CDKL1: variants seen among roughly 807,000 people sequenced by gnomAD.
CDKL1 encodes cyclin-dependent kinase-like 1.
A neutral mutation model predicts 42.0 loss-of-function variants in CDKL1; 41 were observed. The ratio of observed to expected loss-of-function variants is 0.98; its 90% CI spans 0.76 to 1.27. CDKL1 has a LOEUF of 1.27. Ranked by LOEUF, CDKL1 falls within the 50% of genes most tolerant of loss-of-function variation. The pLI is 0.00. For missense variants in CDKL1, 394 were observed against 428.4 expected (o/e 0.92, Z 0.71); for synonymous variants, 153 against 158.6 (o/e 0.96, Z 0.26).
At position 50,396,872 on chromosome 14, in the gene CDKL1, C is replaced by T. The variant is rs979845036; in HGVS notation, c.-510G>A. On this transcript the variant is annotated 5_prime_UTR_variant, in exon 1 of 10. Transcript: ENST00000395834. Reference sequence around the variant, plus strand: ...GCCTGGCTCCCGCCTCGCCTTCTTCCGCCCAGCTCGGCTCGGCGTGGCTCG... The same window carrying T: ...GCCTGGCTCCCGCCTCGCCTTCTTCTGCCCAGCTCGGCTCGGCGTGGCTCG... 7 of 206,716 alleles carry T rather than the reference C, an allele frequency of 3.4e-5. No individual in the cohort carries two copies. The East Asian group carries it at 1.3e-3, about 38-fold the overall frequency. 12.8% of individuals were successfully genotyped at this position (206,716 alleles called of 1,614,324 possible).
intron 2 of CDKL1, among the ~76,000 whole-genome samples, chr14:50,373,182 G>A (rs1433545308): frequency 6.6e-6 from 1 of 151,962 alleles, no homozygotes; most frequent in Non-Finnish European, 1.5e-5. Flanking sequence ...TATAAACAAC[G>A]CCAAAAGACA....
intron 2 of CDKL1, among the ~76,000 whole-genome samples, chr14:50,392,452 AAATAAT>A (rs56882058): frequency 3.1e-3 from 418 of 134,486 alleles, no homozygotes; most frequent in East Asian, 6.6e-3. Flanking sequence ...TCCAAAAAAG[AAATAAT>A]AATAATAATA....
intron 2 of CDKL1, among the ~76,000 whole-genome samples, chr14:50,390,948 C>T (rs1459464038): frequency 6.6e-6 from 1 of 152,202 alleles, no homozygotes; most frequent in Admixed American, 6.5e-5. Context: ...GATCCTCCCA[C>T]CTCAGCTTCC....
At chr14:50,356,362 C>T (rs1188114191) in intron 3 of CDKL1, among the ~76,000 whole-genome samples, 1 of 152,170 alleles carries the variant, frequency 6.6e-6, no homozygotes, top group Admixed American at 6.5e-5. Flanking sequence ...ACAGATAATG[C>T]TAACTCACCT....
chr14:50,379,452 C>T (rs1273948723), intron 2 of CDKL1, among the ~76,000 whole-genome samples: 1 of 152,144 alleles, frequency 6.6e-6, no homozygotes, highest in Non-Finnish European at 1.5e-5. Context: ...CAGGCTTGTC[C>T]TCAGTAGGCT....
intron 2 of CDKL1, among the ~76,000 whole-genome samples, chr14:50,377,072 GGTCA>G (rs1419586446): frequency 6.6e-6 from 1 of 152,202 alleles, no homozygotes; most frequent in East Asian, 1.9e-4. Flanking sequence ...ACAGCAAGGA[GGTCA>G]GTGTTTTAGT....
In CDKL1 at chr14:50,347,342, TAGAG is replaced by T. The variant is rs371500215; in HGVS notation, c.291-2288_291-2285del. Among the ~76,000 whole-genome samples the T allele has an allele frequency of 3.3e-5, 5 of 149,910 alleles. No individual in the cohort carries two copies. In the East Asian group the frequency reaches 5.8e-4, roughly 17 times the overall value. ...AGAATATATTCTGTGGTGTTGGATT[TAGAG>T]AGAGAGAGAGAGAGACAGCGTGAGA... On this transcript the variant is annotated intron_variant, in intron 3 of 9. Transcript: ENST00000395834.
intron 7 of CDKL1, among the ~76,000 whole-genome samples, chr14:50,337,328 CTTTT>C (rs545014608): frequency 1.4e-5 from 2 of 138,980 alleles, no homozygotes; most frequent in Non-Finnish European, 1.6e-5. Context: ...TTATAACCGT[CTTTT>C]TTTTTTTTTT....
intron 2 of CDKL1, among the ~76,000 whole-genome samples, chr14:50,367,113 G>A (rs61622611): frequency 6.6e-6 from 1 of 152,114 alleles, no homozygotes; most frequent in Non-Finnish European, 1.5e-5. Context: ...GAGGAAACAC[G>A]AAAGGGGAAA....
intron 2 of CDKL1, among the ~76,000 whole-genome samples, chr14:50,395,432 T>TATAA (rs2035369738): frequency 6.6e-6 from 1 of 152,262 alleles, no homozygotes; most frequent in Admixed American, 6.5e-5. Context: ...TGAAGTAAGA[T>TATAA]ATAACCATGT....
At chr14:50,335,659 TAAG>T (rs1341480871) in intron 7 of CDKL1, 12 of 1,506,816 alleles carry the variant, frequency 8.0e-6, no homozygotes, top group Middle Eastern at 1.7e-4. Context: ...GCTGAGAAAA[TAAG>T]AGCCAGCCAA....
intron 2 of CDKL1, chr14:50,380,273 A>T: frequency 1.9e-6 from 1 of 526,806 alleles, no homozygotes; most frequent in South Asian, 1.4e-5. Context: ...TACCACCATC[A>T]AAGACTTAGG....
intron 3 of CDKL1, among the ~76,000 whole-genome samples, chr14:50,347,352 G>A (rs2033761661): frequency 1.3e-5 from 2 of 152,236 alleles, no homozygotes; most frequent in Non-Finnish European, 2.9e-5. Flanking sequence ...TAGAGAGAGA[G>A]AGAGAGAGAC....
chr14:50,331,549 G>T, intron 9 of CDKL1: 1 of 163,830 alleles, frequency 6.1e-6, no homozygotes. Flanking sequence ...CAGCATGCTG[G>T]GCAGTGGAAG....
intron 4 of CDKL1, among the ~76,000 whole-genome samples, chr14:50,344,471 T>TGG (rs1400391380): frequency 1.5e-5 from 2 of 136,412 alleles, no homozygotes; most frequent in African/African-American, 5.4e-5. Context: ...CTTTGTGGTT[T>TGG]TTTTTTTTTT....
intron 4 of CDKL1, among the ~76,000 whole-genome samples, chr14:50,343,914 T>C (rs2033639389): frequency 6.6e-6 from 1 of 152,368 alleles, no homozygotes; most frequent in Non-Finnish European, 1.5e-5. Context: ...TCTACTCTCA[T>C]ACTTCCTCCT....
At chr14:50,335,650 C>A in intron 7 of CDKL1, 1 of 1,512,904 alleles carries the variant, frequency 6.6e-7, no homozygotes, top group Non-Finnish European at 8.8e-7. Context: ...AGCAGAGAGG[C>A]TGAGAAAATA....
At chr14:50,339,111 G>A in intron 6 of CDKL1, 82 bp from the exon 7 acceptor site, 1 of 991,892 alleles carries the variant, frequency 1.0e-6, no homozygotes, top group Non-Finnish European at 1.6e-6. Flanking sequence ...TGCTGTGTTT[G>A]TCTGTGCCCA....
At chr14:50,332,869 G>T in intron 8 of CDKL1, 6 of 431,742 alleles carry the variant, frequency 1.4e-5, no homozygotes, top group South Asian at 1.4e-4. Context: ...CTCCACCACT[G>T]TAGGTGTTCC....
Sources: gnomAD v4.1 joint callset for allele counts (sites outside exome capture counted in the v4.1 genomes callset) on GRCh38, gnomAD v4.1.1 for gene constraint, MANE v1.5 for transcripts, NCBI Gene and HGNC (gene_info 2026-07-23, HGNC 2026-07-21) for gene names.